FARS2: variants seen among roughly 807,000 people sequenced by gnomAD.
FARS2 encodes phenylalanine--tRNA ligase, mitochondrial.
Under a neutral mutation model 46.4 loss-of-function variants are expected in FARS2, and 40 were observed. The ratio of observed to expected loss-of-function variants is 0.86; its 90% CI spans 0.67 to 1.12. The LOEUF (loss-of-function observed/expected upper bound fraction) is 1.12. FARS2 is among the 50% of genes most tolerant of loss of function. The pLI is 0.00. For synonymous variants in FARS2, 234 were observed against 214.9 expected, an observed-to-expected ratio of 1.09 and a Z score of -0.78; for missense variants, 513 against 567.9, an observed-to-expected ratio of 0.90 and a Z score of 0.98.
chr6:5,711,626 G>A (rs1467943785), intron 6 of FARS2, among the ~76,000 whole-genome samples: 2 of 152,114 alleles, frequency 1.3e-5, no homozygotes, highest in African/African-American at 4.8e-5. Context: ...CATAACCCCG[G>A]TCTAATCACA....
At chr6:5,525,917 G>A (rs74841602) in intron 4 of FARS2, among the ~76,000 whole-genome samples, 396 of 152,306 alleles carry the variant, frequency 2.6e-3, no homozygotes, top group Non-Finnish European at 4.5e-3. Context: ...TAAATTTTAC[G>A]CTACTGAAGC....
intron 6 of FARS2, among the ~76,000 whole-genome samples, chr6:5,713,235 A>G (rs1582815923): frequency 6.6e-6 from 1 of 152,376 alleles, no homozygotes; most frequent in African/African-American, 2.4e-5. Flanking sequence ...CTATGTACCT[A>G]GAGGTGGTAG....
At chr6:5,681,748 T>C (rs1038468978) in intron 6 of FARS2, among the ~76,000 whole-genome samples, 2 of 152,246 alleles carry the variant, frequency 1.3e-5, no homozygotes, top group African/African-American at 4.8e-5. Context: ...AAGGCCTTTG[T>C]TGAAGTCTTC....
the FARS2 span, among the ~76,000 whole-genome samples, chr6:5,255,499 GC>G: frequency 2.0e-5 from 3 of 151,650 alleles, no homozygotes; most frequent in Non-Finnish European, 4.4e-5. Context: ...GTTTTTAAAA[GC>G]TTTTTTTTTC....
chr6:5,474,701 C>T (rs1376957707), intron 4 of FARS2, among the ~76,000 whole-genome samples: 6 of 139,314 alleles, frequency 4.3e-5, no homozygotes, highest in Non-Finnish European at 9.1e-5. Flanking sequence ...CACTCTGTCG[C>T]CCCGGCTGGA....
chr6:5,420,368 G>A (rs148852663), intron 3 of FARS2, among the ~76,000 whole-genome samples: 3,130 of 152,262 alleles, frequency 0.021, 54 homozygotes, highest in South Asian at 0.067. Flanking sequence ...ACTCATTTCA[G>A]TGTTAACTCA....
chr6:5,352,655 G>T (rs998562004), intron 1 of FARS2, among the ~76,000 whole-genome samples: 5 of 151,692 alleles, frequency 3.3e-5, no homozygotes, highest in African/African-American at 1.2e-4. Flanking sequence ...CTCAGTTTCC[G>T]CTAACTATAA....
chr6:5,407,076 TA>T (rs1761658702), intron 3 of FARS2, among the ~76,000 whole-genome samples: 1 of 144,746 alleles, frequency 6.9e-6, no homozygotes, highest in Non-Finnish European at 1.5e-5. Context: ...TAATGACCAA[TA>T]AATATATGAA....
At chr6:5,580,600 G>T (rs1159818770) in intron 5 of FARS2, among the ~76,000 whole-genome samples, 1 of 152,160 alleles carries the variant, frequency 6.6e-6, no homozygotes, top group Non-Finnish European at 1.5e-5. Flanking sequence ...TCTGTAAAGT[G>T]GGTATAATGC....
intron 6 of FARS2, among the ~76,000 whole-genome samples, chr6:5,624,041 G>A (rs774928865): frequency 2.0e-5 from 3 of 152,250 alleles, no homozygotes; most frequent in Non-Finnish European, 4.4e-5. Context: ...GGGATGGCCA[G>A]ACACTGCCAG....
chr6:5,467,423 A>G (rs1290977923), intron 4 of FARS2, among the ~76,000 whole-genome samples: 1 of 152,218 alleles, frequency 6.6e-6, no homozygotes, highest in East Asian at 1.9e-4. Flanking sequence ...CTACAAGCTT[A>G]TGAGCTAACA....
intron 5 of FARS2, among the ~76,000 whole-genome samples, chr6:5,572,908 A>G (rs965373228): frequency 6.6e-5 from 10 of 152,214 alleles, no homozygotes; most frequent in Non-Finnish European, 1.5e-4. Flanking sequence ...CATCATCCAC[A>G]TATCATGGTA....
chr6:5,497,083 A>T (rs1008969359), intron 4 of FARS2, among the ~76,000 whole-genome samples: 1 of 152,082 alleles, frequency 6.6e-6, no homozygotes, highest in Non-Finnish European at 1.5e-5. Flanking sequence ...AGTAAGGCTA[A>T]CTCCCTTATA....
chr6:5,467,285 T>C (rs187566090), intron 4 of FARS2, among the ~76,000 whole-genome samples: 51 of 152,324 alleles, frequency 3.3e-4, no homozygotes, highest in African/African-American at 1.1e-3. Flanking sequence ...AAGGTTTCAG[T>C]AACAACATTT....
At chr6:5,384,754 G>A (rs1760010579) in intron 2 of FARS2, among the ~76,000 whole-genome samples, 1 of 152,082 alleles carries the variant, frequency 6.6e-6, no homozygotes, top group African/African-American at 2.4e-5. Flanking sequence ...TTCTAATCTA[G>A]TATAGCACCC....
intron 6 of FARS2, among the ~76,000 whole-genome samples, chr6:5,658,696 T>C (rs2150775939): frequency 6.6e-6 from 1 of 152,368 alleles, no homozygotes; most frequent in Admixed American, 6.5e-5. Context: ...ATTAGATAGA[T>C]GGTTAGCAAA....
At chr6:5,656,485 C>G (rs991884807) in intron 6 of FARS2, among the ~76,000 whole-genome samples, 1 of 152,142 alleles carries the variant, frequency 6.6e-6, no homozygotes, top group Non-Finnish European at 1.5e-5. Flanking sequence ...TTGCCACCCC[C>G]CAGAGCACCA....
intron 4 of FARS2, among the ~76,000 whole-genome samples, chr6:5,433,804 C>G (rs1763367753): frequency 6.6e-6 from 1 of 152,192 alleles, no homozygotes; most frequent in South Asian, 2.1e-4. Context: ...CAGGGATGAT[C>G]AGCTTACACA....
At chr6:5,540,582 G>A (rs1330577510) in intron 4 of FARS2, among the ~76,000 whole-genome samples, 1 of 152,216 alleles carries the variant, frequency 6.6e-6, no homozygotes, top group South Asian at 2.1e-4. Flanking sequence ...AGAATCCACT[G>A]TGTGGGAAGC....
Sources: allele counts gnomAD v4.1 joint callset (sites outside exome capture counted in the v4.1 genomes callset), GRCh38; gene constraint gnomAD v4.1.1; transcripts MANE v1.5; gene names NCBI Gene and HGNC (gene_info 2026-07-23, HGNC 2026-07-21).